The following LRP1-AS variants were observed in gnomAD, a reference collection of about 807,000 sequenced individuals.
LRP1-AS encodes the protein LRP1 antisense RNA.
chr12:57,146,679 A>C (rs1360428564), intron 1 of LRP1-AS: 1 of 152,236 alleles, frequency 6.6e-6, no homozygotes, highest in Admixed American at 6.5e-5. Flanking sequence ...GCTCCTCCAG[A>C]GCATCCCTGA....
intron 1 of LRP1-AS, chr12:57,146,548 G>T (rs942848313): frequency 1.3e-5 from 2 of 152,184 alleles, no homozygotes; most frequent in African/African-American, 2.4e-5. Flanking sequence ...ATCCCAGGAG[G>T]TTACAAGGGA....
At chr12:57,144,787 A>G (rs932576778) in exon 2 of LRP1-AS, 2 of 628,540 alleles carry the variant, frequency 3.2e-6, no homozygotes, top group African/African-American at 3.6e-5. Flanking sequence ...GTGTTTCTCT[A>G]GAGTGGATTC....
intron 1 of LRP1-AS, among the ~76,000 whole-genome samples, chr12:57,145,879 C>A (rs1404590736): frequency 6.6e-6 from 1 of 152,122 alleles, no homozygotes; most frequent in Admixed American, 6.5e-5. Flanking sequence ...TAGGCTGCAG[C>A]TGAGGGTAAA....
chr12:57,146,540 C>G (rs2035409827), intron 1 of LRP1-AS: 1 of 152,176 alleles, frequency 6.6e-6, no homozygotes, highest in Admixed American at 6.5e-5. Flanking sequence ...AAAGAAAGAT[C>G]CCAGGAGGTT....
At chr12:57,144,662 T>A (rs2035362425) in exon 2 of LRP1-AS, 1 of 365,120 alleles carries the variant, frequency 2.7e-6, no homozygotes, top group African/African-American at 2.0e-5. Flanking sequence ...GAATATAAGT[T>A]TCATGAGGAC....
chr12:57,147,241 G>A (rs1004820485), intron 1 of LRP1-AS, among the ~76,000 whole-genome samples: 3 of 151,856 alleles, frequency 2.0e-5, no homozygotes, highest in African/African-American at 4.8e-5. Context: ...CCTGCTCCAC[G>A]TCCCTGCCGC....
chr12:57,145,764 G>A (rs1011214400), intron 1 of LRP1-AS, among the ~76,000 whole-genome samples: 1 of 152,190 alleles, frequency 6.6e-6, no homozygotes, highest in Admixed American at 6.5e-5. Context: ...ACCAGGGACT[G>A]TCCCTTCTCT....
intron 1 of LRP1-AS, among the ~76,000 whole-genome samples, chr12:57,147,250 G>A (rs766065221): frequency 1.3e-5 from 2 of 151,896 alleles, no homozygotes; most frequent in Non-Finnish European, 2.9e-5. Context: ...CGTCCCTGCC[G>A]CCTGAATGTC....
At chr12:57,145,049 G>A (rs1220600801) in exon 2 of LRP1-AS, 1 of 1,613,960 alleles carries the variant, frequency 6.2e-7, no homozygotes, top group Non-Finnish European at 8.5e-7. Context: ...ATGTGGCTGT[G>A]TTGAAGGATA....
At chr12:57,145,366 C>G in intron 1 of LRP1-AS, 1 of 1,614,166 alleles carries the variant, frequency 6.2e-7, no homozygotes, top group Non-Finnish European at 8.5e-7. Flanking sequence ...GCTATGCCAA[C>G]GAGACCGTAT....
chr12:57,144,715 C>A (rs2035363876), exon 2 of LRP1-AS: 1 of 518,482 alleles, frequency 1.9e-6, no homozygotes, highest in Admixed American at 3.2e-5. Flanking sequence ...GCACCCCTGG[C>A]ACCTGACCCA....
At chr12:57,145,812 C>T (rs1468116392) in intron 1 of LRP1-AS, among the ~76,000 whole-genome samples, 2 of 152,048 alleles carry the variant, frequency 1.3e-5, no homozygotes, top group African/African-American at 2.4e-5. Flanking sequence ...AGGGACTTTC[C>T]GGTGCAGTGG....
chr12:57,144,813 T>C, exon 2 of LRP1-AS: 1 of 700,882 alleles, frequency 1.4e-6, no homozygotes, highest in Non-Finnish European at 2.5e-6. Context: ...CTGGACTTGC[T>C]GGGTGTTAAG....
chr12:57,146,983 T>C (rs1316609622), intron 1 of LRP1-AS, among the ~76,000 whole-genome samples: 2 of 151,964 alleles, frequency 1.3e-5, no homozygotes, highest in Non-Finnish European at 2.9e-5. Flanking sequence ...TAGGTGGCTA[T>C]GGGGTGTCCT....
chr12:57,145,968 A>T (rs902819869), intron 1 of LRP1-AS, among the ~76,000 whole-genome samples: 2 of 152,102 alleles, frequency 1.3e-5, no homozygotes, highest in African/African-American at 4.8e-5. Context: ...CTCTGCTGCC[A>T]TCGGGGGAGG....
At chr12:57,145,627 T>A (rs1230881880) in intron 1 of LRP1-AS, 2 of 1,165,998 alleles carry the variant, frequency 1.7e-6, no homozygotes, top group East Asian at 4.8e-5. Flanking sequence ...CTGGATACAA[T>A]GGTGTGTGTT....
chr12:57,146,295 G>A (rs2035405375), intron 1 of LRP1-AS, among the ~76,000 whole-genome samples: 2 of 152,174 alleles, frequency 1.3e-5, no homozygotes, highest in Non-Finnish European at 2.9e-5. Context: ...TCTGGCCTGT[G>A]GTTGATCTGA....
Position 57,145,365 on chromosome 12 carries a change from A to G in LRP1-AS, n.182-282T>C, listed in dbSNP as rs772978789. 55 of 1,614,030 alleles carry G rather than the reference A, an allele frequency of 3.4e-5. No individual in the cohort carries two copies. The highest frequency in any genetic ancestry group is 4.2e-5 in the Non-Finnish European group (50 of 1,180,040). ...ACAGCCATGGACTTCAGCTATGCCA[A>G]CGAGACCGTATGCTGGGTGCATGTT... On this transcript the variant is annotated intron_variant and non_coding_transcript_variant, in intron 1 of 1. Coordinates refer to ENST00000555461, the Ensembl canonical transcript of LRP1-AS.
exon 2 of LRP1-AS, chr12:57,144,871 G>C: frequency 8.3e-7 from 1 of 1,201,558 alleles, no homozygotes; most frequent in Non-Finnish European, 1.2e-6. Context: ...TGTCCTTCAA[G>C]GTAGCTGTAA....
Sources: allele counts gnomAD v4.1 joint callset (sites outside exome capture counted in the v4.1 genomes callset), GRCh38; gene constraint gnomAD v4.1.1; transcripts MANE v1.5; gene names NCBI Gene and HGNC (gene_info 2026-07-23, HGNC 2026-07-21).